The following CLMP variants were observed in gnomAD, a reference collection of about 807,000 sequenced individuals.
The protein encoded by CLMP is CXADR-like membrane protein.
Under a neutral mutation model 45.2 loss-of-function variants are expected in CLMP, and 27 were observed. That is an observed-to-expected ratio of 0.60 (90% CI 0.44 to 0.82). CLMP has a LOEUF of 0.82. Among genes scored for constraint, CLMP ranks in the 40% least tolerant of loss-of-function variants. The pLI is 0.00. For synonymous variants in CLMP, 167 were observed against 171.4 expected (o/e 0.97, Z 0.20); for missense variants, 403 against 448.4 (o/e 0.90, Z 0.91).
chr11:123,098,447 C>T lies in CLMP; in HGVS notation c.29-495G>A, dbSNP rs939648176. On this transcript the variant is annotated intron_variant, in intron 1 of 6. Transcript: ENST00000448775. ...TTCACCATGTTGGCCAGGCTGGTCT[C>T]GAACTCCTAACTTCAGGTGATCCAC... 1.1e-4 allele frequency among the ~76,000 whole-genome samples: 17 copies of T among 151,802 alleles called. No homozygotes were observed. In the East Asian group the frequency reaches 2.9e-3, roughly 26 times the overall value.
At chr11:123,098,305 G>A (rs956038681) in intron 1 of CLMP, among the ~76,000 whole-genome samples, 1 of 151,808 alleles carries the variant, frequency 6.6e-6, no homozygotes, top group African/African-American at 2.4e-5. Context: ...TCGGCTCACT[G>A]CAACCTCTGC....
chr11:123,087,325 G>A (rs748296905), intron 2 of CLMP, among the ~76,000 whole-genome samples: 7 of 151,396 alleles, frequency 4.6e-5, no homozygotes, highest in Non-Finnish European at 8.8e-5. Context: ...CAACAAGAGC[G>A]AAACTCCGTC....
intron 1 of CLMP, among the ~76,000 whole-genome samples, chr11:123,150,458 A>AGAAAGAAAGAAAGAAAGAAAGAAG (rs1237834643): frequency 1.9e-5 from 2 of 103,320 alleles, no homozygotes; most frequent in Non-Finnish European, 4.2e-5. Flanking sequence ...AAAGAAAGAA[A>AGAAAGAAAGAAAGAAAGAAAGAAG]GAAAGAAAGA....
chr11:123,168,976 C>T (rs1861594827), intron 1 of CLMP, among the ~76,000 whole-genome samples: 1 of 152,164 alleles, frequency 6.6e-6, no homozygotes, highest in Non-Finnish European at 1.5e-5. Flanking sequence ...GGAAACCCTG[C>T]TCTTCAGGGA....
intron 1 of CLMP, among the ~76,000 whole-genome samples, chr11:123,185,047 T>A (rs537338874): frequency 6.6e-6 from 1 of 152,236 alleles, no homozygotes; most frequent in East Asian, 1.9e-4. Context: ...CCTCTGTAGA[T>A]GAGGCGGCGG....
chr11:123,118,273 G>A (rs1860743297), intron 1 of CLMP, among the ~76,000 whole-genome samples: 1 of 152,078 alleles, frequency 6.6e-6, no homozygotes, highest in Non-Finnish European at 1.5e-5. Flanking sequence ...GGGATTATAG[G>A]CATGCACCAC....
At chr11:123,099,249 T>C (rs55653765) in intron 1 of CLMP, among the ~76,000 whole-genome samples, 14,368 of 152,274 alleles carry the variant, frequency 0.094, 810 homozygotes, top group East Asian at 0.16. Context: ...AGAGTCATAG[T>C]CATTTGAAGC....
intron 2 of CLMP, among the ~76,000 whole-genome samples, chr11:123,092,268 CCACACA>C (rs112488631): frequency 2.7e-5 from 4 of 148,102 alleles, no homozygotes; most frequent in African/African-American, 1.0e-4. Context: ...AATCTTGTCT[CCACACA>C]CACACACACA....
chr11:123,183,714 C>T lies in CLMP; in HGVS notation c.28+11199G>A, dbSNP rs534214592. 4.6e-5 allele frequency among the ~76,000 whole-genome samples: 7 copies of T among 152,290 alleles called. No individual in the cohort carries two copies. In the South Asian group the frequency reaches 1.2e-3, roughly 27 times the overall value. ...GTGAAACAAATCTCAAATCTCAAAT[C>T]TTCCCAGAGAAGACAGCCTTACCTG... On this transcript the variant is annotated intron_variant, in intron 1 of 6. Coordinates refer to ENST00000448775, the MANE Select transcript of CLMP (RefSeq NM_024769.5).
intron 1 of CLMP, among the ~76,000 whole-genome samples, chr11:123,184,378 A>T (rs1861806352): frequency 6.6e-6 from 1 of 152,206 alleles, no homozygotes. Flanking sequence ...TACAAGCATG[A>T]GCCACCGTGC....
At chr11:123,152,716 C>A (rs1191470044) in intron 1 of CLMP, among the ~76,000 whole-genome samples, 2 of 150,164 alleles carry the variant, frequency 1.3e-5, no homozygotes, top group Non-Finnish European at 3.0e-5. Flanking sequence ...TTTTGGCACC[C>A]CCAGGGGAAA....
At chr11:123,114,574 G>A (rs915461688) in intron 1 of CLMP, among the ~76,000 whole-genome samples, 39 of 151,172 alleles carry the variant, frequency 2.6e-4, no homozygotes, top group African/African-American at 9.2e-4. Context: ...CAAAGGGCAA[G>A]GATTACAGGC....
intron 1 of CLMP, among the ~76,000 whole-genome samples, chr11:123,117,993 G>A (rs61140679): frequency 0.019 from 2,885 of 152,278 alleles, 71 homozygotes; most frequent in East Asian, 0.13. Flanking sequence ...TATGATCACT[G>A]GGGAGAAATC....
intron 1 of CLMP, among the ~76,000 whole-genome samples, chr11:123,116,443 C>G (rs1415217381): frequency 1.3e-5 from 2 of 152,040 alleles, no homozygotes; most frequent in Admixed American, 1.3e-4. Flanking sequence ...TGGCAGGCAC[C>G]TGTAATCCCA....
At position 123,154,205 on chromosome 11, in the gene CLMP, C is replaced by T. The variant is rs944229624; in HGVS notation, c.28+40708G>A. Among the ~76,000 whole-genome samples, 3 of 152,310 alleles carry T rather than the reference C, an allele frequency of 2.0e-5. No individual in the cohort carries two copies. In the East Asian group the frequency reaches 5.8e-4, roughly 29 times the overall value. On this transcript the variant is annotated intron_variant, in intron 1 of 6. Transcript: ENST00000448775. ...ACCGTGCCCTCTCTCACCCCCTCCT[C>T]CATGCAGGTAGGCTCAAGGATGACT...
intron 1 of CLMP, among the ~76,000 whole-genome samples, chr11:123,115,160 G>A (rs1376088940): frequency 6.6e-6 from 1 of 152,106 alleles, no homozygotes; most frequent in Non-Finnish European, 1.5e-5. Context: ...TCCTGCCTCA[G>A]CCTCCTGAGC....
rs1565379389 is a variant in CLMP, at chr11:123,089,795, AAAAAG to A, written c.187-5087_187-5083del. On this transcript the variant is annotated intron_variant, in intron 2 of 6. Coordinates refer to ENST00000448775, the MANE Select transcript of CLMP (RefSeq NM_024769.5). ...CCATCTCAAAAAAAAAAAAAAAAAG[AAAAAG>A]AAAAAGAAACAAAACAAGGCTGGGC... Among the ~76,000 whole-genome samples, 107 of 77,400 alleles carry A rather than the reference AAAAAG, an allele frequency of 1.4e-3. 2 individuals are homozygous for A. In the East Asian group the frequency reaches 0.019, roughly 14 times the overall value. The allele number at this position is 77,400 out of a possible 152,430, so 50.8% of individuals were successfully genotyped here. A position where few individuals can be genotyped will look rare whatever the true frequency, so the allele number is the denominator to read the frequency against.
chr11:123,159,645 C>T (rs1000767500), intron 1 of CLMP, among the ~76,000 whole-genome samples: 4 of 152,130 alleles, frequency 2.6e-5, no homozygotes, highest in Non-Finnish European at 5.9e-5. Context: ...GCAACTGACA[C>T]GTACAAGGCA....
intron 2 of CLMP, among the ~76,000 whole-genome samples, chr11:123,087,320 A>G (rs1015229359): frequency 6.6e-6 from 1 of 151,954 alleles, no homozygotes; most frequent in South Asian, 2.1e-4. Flanking sequence ...CTGAGCAACA[A>G]GAGCGAAACT....
Sources: allele counts gnomAD v4.1 joint callset (sites outside exome capture counted in the v4.1 genomes callset), GRCh38; gene constraint gnomAD v4.1.1; transcripts MANE v1.5; gene names NCBI Gene and HGNC (gene_info 2026-07-23, HGNC 2026-07-21).